DHX29: variants seen among roughly 807,000 people sequenced by gnomAD.
DHX29 encodes the protein ATP-dependent RNA helicase DHX29.
A neutral mutation model predicts 167.9 loss-of-function variants in DHX29; 79 were observed. The ratio of observed to expected loss-of-function variants is 0.47; its 90% confidence interval spans 0.39 to 0.57. The LOEUF (loss-of-function observed/expected upper bound fraction) is 0.57, where lower values mean the gene tolerates loss of function less well. Among genes scored for constraint, DHX29 ranks in the 20% least tolerant of loss-of-function variants. DHX29 has a pLI of 0.00. For synonymous variants in DHX29, 530 were observed against 546.0 expected (o/e 0.97, Z 0.41); for missense variants, 1,347 against 1,593.4 (o/e 0.85, Z 2.63).
chr5:55,260,527 G>GGCATGGGGTGTAACATTTTTTAAAATA (rs70992714), intron 25 of DHX29, among the ~76,000 whole-genome samples: 1 of 151,692 alleles, frequency 6.6e-6, no homozygotes, highest in Non-Finnish European at 1.5e-5. Flanking sequence ...CATGGCACCC[G>GGCATGGGGTGTAACATTTTTTAAAATA]GCTTTATTGA....
chr5:55,296,981 C>A (rs915854107), intron 3 of DHX29, among the ~76,000 whole-genome samples: 1 of 152,110 alleles, frequency 6.6e-6, no homozygotes, highest in Admixed American at 6.5e-5. Flanking sequence ...GGGCCAAATA[C>A]ATTTACTTCA....
intron 23 of DHX29, among the ~76,000 whole-genome samples, chr5:55,264,410 T>A (rs1434215685): frequency 6.6e-6 from 1 of 152,210 alleles, no homozygotes; most frequent in Non-Finnish European, 1.5e-5. Flanking sequence ...TGAATGCCTT[T>A]TCATAACTAG....
At chr5:55,269,270 G>T in intron 21 of DHX29, 143 bp downstream of exon 21, 1 of 638,798 alleles carries the variant, frequency 1.6e-6, no homozygotes, top group Non-Finnish European at 2.6e-6. Context: ...AAAAATTCAA[G>T]CATTCAGGCC....
At chr5:55,268,635 T>A (rs1478397670) in intron 21 of DHX29, among the ~76,000 whole-genome samples, 8 of 152,254 alleles carry the variant, frequency 5.3e-5, no homozygotes, top group African/African-American at 1.9e-4. Flanking sequence ...TCTCACTATG[T>A]TGCCCAGGCT....
At chr5:55,271,152 T>C (rs577470801) in intron 18 of DHX29, among the ~76,000 whole-genome samples, 18 of 152,364 alleles carry the variant, frequency 1.2e-4, no homozygotes, top group Non-Finnish European at 1.3e-4. Flanking sequence ...GGTACTCTCT[T>C]GCAAATATTG....
intron 21 of DHX29, among the ~76,000 whole-genome samples, chr5:55,268,828 A>G (rs1250094516): frequency 6.6e-6 from 1 of 152,154 alleles, no homozygotes; most frequent in African/African-American, 2.4e-5. Context: ...GGAAAGAAAA[A>G]AAGTTTTTAA....
At chr5:55,306,352 T>C (rs1748860054) in intron 1 of DHX29, among the ~76,000 whole-genome samples, 1 of 152,230 alleles carries the variant, frequency 6.6e-6, no homozygotes, top group Admixed American at 6.5e-5. Flanking sequence ...TACTAATTTC[T>C]GCCATGCTTC....
rs1456120702 is a variant in DHX29, at chr5:55,290,406, T to C, written c.781-62A>G. ...AAGAAGAGCAAGATTAGTTTATCTA[T>C]GGTCAATAAACTGTATCAAAATCTG... On this transcript the variant is annotated intron_variant, in intron 6 of 26. Coordinates refer to ENST00000251636, the MANE Select transcript of DHX29 (RefSeq NM_019030.4). 73 of 1,510,064 alleles carry C rather than the reference T, an allele frequency of 4.8e-5. No homozygotes were observed. The South Asian group carries it at 8.6e-4, about 18-fold the overall frequency. 93.5% of individuals were successfully genotyped at this position (1,510,064 alleles called of 1,614,324 possible).
intron 12 of DHX29, among the ~76,000 whole-genome samples, chr5:55,280,823 T>A (rs1157141751): frequency 1.3e-5 from 2 of 152,170 alleles, no homozygotes; most frequent in Non-Finnish European, 2.9e-5. Context: ...TCCCCTTAAC[T>A]ACTCTATAGA....
chr5:55,274,611 T>C lies in DHX29; in HGVS notation c.2690+3A>G. On this transcript the variant is annotated splice_donor_region_variant and intron_variant, in intron 16 of 26. Coordinates refer to ENST00000251636, the MANE Select transcript of DHX29 (RefSeq NM_019030.4). ...CAGGAATATAATGAAGATGAGTAGT[T>C]ACCGTTCAGAATAAAATCTTCTATC... 1 of 1,565,208 alleles carries C rather than the reference T, an allele frequency of 6.4e-7. No individual in the cohort carries two copies. Among genetic ancestry groups the C allele is most frequent in the Non-Finnish European group, 8.7e-7 (1 of 1,152,036 alleles).
rs1747146157 is a variant in DHX29, at chr5:55,276,986, C to T, written c.2286+120G>A. 5 of 645,702 alleles carry T rather than the reference C, an allele frequency of 7.7e-6. No homozygotes were observed. In the South Asian group the frequency reaches 1.3e-4, roughly 16 times the overall value. 40.0% of individuals were successfully genotyped at this position (645,702 alleles called of 1,614,324 possible). A position where few individuals can be genotyped will look rare whatever the true frequency, so the allele number is the denominator to read the frequency against. On this transcript the variant is annotated intron_variant, in intron 13 of 26. Coordinates refer to ENST00000251636, the MANE Select transcript of DHX29 (RefSeq NM_019030.4). Reference sequence around the variant, plus strand: ...ATTCTTAAGGCTGTGTCCAGCTCCTCTGCTGACTCACTGTACCTAGGAATA... The same window carrying T: ...ATTCTTAAGGCTGTGTCCAGCTCCTTTGCTGACTCACTGTACCTAGGAATA...
At chr5:55,305,346 G>T (rs988180361) in intron 1 of DHX29, among the ~76,000 whole-genome samples, 1 of 152,190 alleles carries the variant, frequency 6.6e-6, no homozygotes, top group Non-Finnish European at 1.5e-5. Context: ...GAAAAACATG[G>T]CAAGAATAAA....
chr5:55,267,545 T>C, intron 22 of DHX29, 141 bp downstream of exon 22: 1 of 724,012 alleles, frequency 1.4e-6, no homozygotes, highest in Non-Finnish European at 2.1e-6. Context: ...ATCTCTAACA[T>C]AATTATACCT....
chr5:55,295,340 T>C, intron 5 of DHX29, 39 bp downstream of exon 5: 1 of 1,489,626 alleles, frequency 6.7e-7, no homozygotes, highest in South Asian at 1.1e-5. Context: ...TGCTCCATTC[T>C]GATTTTATAC....
intron 12 of DHX29, among the ~76,000 whole-genome samples, chr5:55,279,233 G>T (rs979728705): frequency 1.3e-5 from 2 of 152,146 alleles, no homozygotes; most frequent in Non-Finnish European, 2.9e-5. Context: ...GGATGTGGGA[G>T]AAAGAAGGAA....
chr5:55,283,228 C>G lies in DHX29; in HGVS notation c.1940G>C (p.Gly647Ala). The G allele has an allele frequency of 6.3e-7, 1 of 1,597,752 alleles. No homozygotes were observed. Among genetic ancestry groups the G allele is most frequent in the Non-Finnish European group, 8.6e-7 (1 of 1,169,356 alleles). Residue 647 changes from glycine (G) to alanine (A), a missense_variant, in exon 11 of 27, where the codon GGC becomes GCC. Coordinates refer to ENST00000251636, the MANE Select transcript of DHX29 (RefSeq NM_019030.4). ...SLANRVCDEL[G>A]CENGPGGRNS... ...CCTTCCTCCAGGTCCATTTTCACAG[C>G]CCAATTCATCACATACTCTGTTGGC...
chr5:55,285,643 A>G (rs1747681029), intron 9 of DHX29, 53 bp downstream of exon 9: 3 of 1,500,598 alleles, frequency 2.0e-6, no homozygotes, highest in Middle Eastern at 2.5e-4. Context: ...TCCACCTTAA[A>G]TTTTTCTAAA....
Position 55,298,683 on chromosome 5 carries a change from A to G in DHX29, c.188-19T>C, listed in dbSNP as rs745473637. ...TTTGGACCTGTAAATACAAATAGAC[A>G]AGGCAATTTAATGATTAATATCTAT... On this transcript the variant is annotated intron_variant, in intron 1 of 26. Transcript: ENST00000251636. 9 of 1,194,362 alleles carry G rather than the reference A, an allele frequency of 7.5e-6. No individual in the cohort carries two copies. Among genetic ancestry groups the G allele is most frequent in the East Asian group, 4.7e-5 (2 of 42,614 alleles). The allele number at this position is 1,194,362 out of a possible 1,614,324, so 74.0% of individuals were successfully genotyped here.
intron 11 of DHX29, 158 bp downstream of exon 11, chr5:55,283,045 A>C: frequency 1.5e-6 from 1 of 674,182 alleles, no homozygotes; most frequent in Non-Finnish European, 2.4e-6. Context: ...GCATACTATC[A>C]CATCTATCAA....
Sources: gnomAD v4.1 joint callset for allele counts (sites outside exome capture counted in the v4.1 genomes callset) on GRCh38, gnomAD v4.1.1 for gene constraint, MANE v1.5 for transcripts, NCBI Gene and HGNC (gene_info 2026-07-23, HGNC 2026-07-21) for gene names.